Variants in CCDC192 observed in about 807,000 individuals in gnomAD.
The protein encoded by CCDC192 is coiled-coil domain-containing protein 192.
intron 3 of CCDC192, among the ~76,000 whole-genome samples, chr5:127,789,948 G>T (rs1756769345): frequency 6.6e-6 from 1 of 152,180 alleles, no homozygotes; most frequent in African/African-American, 2.4e-5. Context: ...TAGAGCCCTT[G>T]GGGTTTAGCT....
chr5:127,846,184 G>A (rs572496767), intron 5 of CCDC192, among the ~76,000 whole-genome samples: 1 of 151,888 alleles, frequency 6.6e-6, no homozygotes, highest in Admixed American at 6.6e-5. Context: ...AGCTACTCGG[G>A]AGGCTAAGGC....
chr5:127,723,059 TA>T (rs1320619227), intron 2 of CCDC192, among the ~76,000 whole-genome samples: 1 of 152,216 alleles, frequency 6.6e-6, no homozygotes, highest in Non-Finnish European at 1.5e-5. Flanking sequence ...ATGGACATTT[TA>T]AAAATATTTA....
At chr5:127,898,881 G>A (rs770491296) in intron 6 of CCDC192, among the ~76,000 whole-genome samples, 1 of 152,098 alleles carries the variant, frequency 6.6e-6, no homozygotes, top group Non-Finnish European at 1.5e-5. Flanking sequence ...TGGCTCTAAG[G>A]TACACAAGTC....
At chr5:127,849,821 A>G (rs1750719562) in intron 5 of CCDC192, among the ~76,000 whole-genome samples, 1 of 152,224 alleles carries the variant, frequency 6.6e-6, no homozygotes, top group African/African-American at 2.4e-5. Flanking sequence ...AGCCTGAGAA[A>G]ATTTTTTTGT....
At chr5:127,932,779 C>A (rs569259057) in intron 6 of CCDC192, among the ~76,000 whole-genome samples, 4 of 152,270 alleles carry the variant, frequency 2.6e-5, no homozygotes, top group African/African-American at 9.6e-5. Flanking sequence ...TTTCATGGAG[C>A]TTTCATTCCA....
rs1220837843 is a variant in CCDC192 at position 127,719,832 on chromosome 5, G to GGT, written c.114+12073_114+12074insTG. Among the ~76,000 whole-genome samples the GGT allele has an allele frequency of 7.8e-4, 87 of 112,228 alleles. 4 individuals carry two copies. The highest frequency in any genetic ancestry group is 5.1e-4 in the Non-Finnish European group (27 of 53,366). The allele number at this position is 112,228 out of a possible 152,430, so 73.6% of individuals were successfully genotyped here. On this transcript the variant is annotated intron_variant, in intron 2 of 6. Coordinates refer to ENST00000514853, the MANE Select transcript of CCDC192 (RefSeq NM_001317938.2). ...CTCGCATGGCCAGATCAGAGGAAGG[G>GGT]GCGGGGGAGGTGACACATGCTTTTT...
chr5:127,788,548 C>T (rs113520283), intron 3 of CCDC192, among the ~76,000 whole-genome samples: 3,299 of 152,186 alleles, frequency 0.022, 122 homozygotes, highest in African/African-American at 0.075. Context: ...CATACTTCTG[C>T]CACATTGCTT....
At position 127,798,088 on chromosome 5, in the gene CCDC192, A is replaced by G. The variant is rs1021306604; in HGVS notation, c.355-18A>G. The G allele has an allele frequency of 2.5e-6, 1 of 398,044 alleles. No homozygotes were observed. Among genetic ancestry groups the G allele is most frequent in the African/African-American group, 2.1e-5 (1 of 48,574 alleles). 24.7% of individuals were successfully genotyped at this position (398,044 alleles called of 1,614,324 possible). A position where few individuals can be genotyped will look rare whatever the true frequency, so the allele number is the denominator to read the frequency against. Reference sequence around the variant, plus strand: ...GAAAGAGTTACATACTTAGTTTCTAAACTTTTCTCCTTTTCAGTGCATCCA... The same window carrying G: ...GAAAGAGTTACATACTTAGTTTCTAGACTTTTCTCCTTTTCAGTGCATCCA... On this transcript the variant is annotated intron_variant, in intron 4 of 6. Coordinates refer to ENST00000514853, the MANE Select transcript of CCDC192 (RefSeq NM_001317938.2).
At chr5:127,757,801 C>CACAT (rs1491041726) in intron 3 of CCDC192, among the ~76,000 whole-genome samples, 6 of 32,650 alleles carry the variant, frequency 1.8e-4, no homozygotes, top group African/African-American at 3.6e-4. Flanking sequence ...CACACACACT[C>CACAT]TCTCTCTCTC....
intron 2 of CCDC192, among the ~76,000 whole-genome samples, chr5:127,746,779 G>T (rs1283211054): frequency 2.0e-5 from 3 of 152,110 alleles, no homozygotes; most frequent in African/African-American, 7.2e-5. Flanking sequence ...GGCAGAACTT[G>T]ACTGTGGAGC....
At chr5:127,884,460 T>C (rs1408389779) in intron 6 of CCDC192, among the ~76,000 whole-genome samples, 1 of 151,672 alleles carries the variant, frequency 6.6e-6, no homozygotes, top group Non-Finnish European at 1.5e-5. Flanking sequence ...CTTAGGTAGT[T>C]AGCACTGGCT....
At chr5:127,869,222 G>A (rs1286425853) in intron 5 of CCDC192, among the ~76,000 whole-genome samples, 2 of 152,174 alleles carry the variant, frequency 1.3e-5, no homozygotes, top group Non-Finnish European at 1.5e-5. Flanking sequence ...TACTTGGGAG[G>A]TTGAGGCAGG....
intron 5 of CCDC192, among the ~76,000 whole-genome samples, chr5:127,875,068 G>T (rs927909040): frequency 6.6e-6 from 1 of 152,084 alleles, no homozygotes; most frequent in Non-Finnish European, 1.5e-5. Context: ...CCAGCGTTTG[G>T]TGGTCGTATC....
At chr5:127,704,185 T>TATTG (rs1554066767) in intron 1 of CCDC192, among the ~76,000 whole-genome samples, 10 of 152,038 alleles carry the variant, frequency 6.6e-5, no homozygotes, top group Non-Finnish European at 1.3e-4. Context: ...TTTTTAAAGT[T>TATTG]TTTGTTTGTT....
intron 2 of CCDC192, among the ~76,000 whole-genome samples, chr5:127,717,574 T>C (rs189024793): frequency 6.6e-6 from 1 of 152,158 alleles, no homozygotes; most frequent in African/African-American, 2.4e-5. Context: ...TTTTGAACTT[T>C]ACCTGCTGCA....
intron 6 of CCDC192, among the ~76,000 whole-genome samples, chr5:127,881,319 A>C (rs1341705304): frequency 6.6e-6 from 1 of 152,224 alleles, no homozygotes; most frequent in Non-Finnish European, 1.5e-5. Flanking sequence ...ACCTAGATTA[A>C]TATTCAGCTA....
intron 3 of CCDC192, among the ~76,000 whole-genome samples, chr5:127,781,576 CTT>C (rs1223496970): frequency 1.6e-5 from 2 of 124,140 alleles, no homozygotes; most frequent in African/African-American, 2.9e-5. Flanking sequence ...CTAAGTATTC[CTT>C]TTTTTTTTTT....
chr5:127,738,575 A>G (rs1483084500), intron 2 of CCDC192, among the ~76,000 whole-genome samples: 1 of 145,068 alleles, frequency 6.9e-6, no homozygotes, highest in Non-Finnish European at 1.5e-5. Context: ...CACCAATCAG[A>G]CGTAGATTTG....
At chr5:127,813,605 G>A (rs1327844629) in intron 5 of CCDC192, among the ~76,000 whole-genome samples, 1 of 152,096 alleles carries the variant, frequency 6.6e-6, no homozygotes, top group Non-Finnish European at 1.5e-5. Flanking sequence ...AAGCGACCTG[G>A]AAGAGTTTGC....
Sources: allele counts gnomAD v4.1 joint callset (sites outside exome capture counted in the v4.1 genomes callset), GRCh38; gene constraint gnomAD v4.1.1; transcripts MANE v1.5; gene names NCBI Gene and HGNC (gene_info 2026-07-23, HGNC 2026-07-21).